The following DDI2 variants were observed in gnomAD, a reference collection of about 807,000 sequenced individuals.
DDI2 encodes DDI proteasomal shuttling factor 2.
DDI2 carries 5 observed loss-of-function variants against 48.1 expected under a neutral mutation model. That is an observed-to-expected ratio of 0.10 (90% CI 0.05 to 0.22). DDI2 has a LOEUF of 0.22. Among genes scored for constraint, DDI2 ranks in the 10% least tolerant of loss-of-function variants. The pLI, the probability that DDI2 is intolerant of heterozygous loss-of-function variation, is 1.00. For missense variants in DDI2, 285 were observed against 506.2 expected (o/e 0.56, Z 4.19); for synonymous variants, 205 against 183.6 (o/e 1.12, Z -0.94).
chr1:15,653,313 C>G (rs1217737997), intron 8 of DDI2, among the ~76,000 whole-genome samples: 1 of 151,540 alleles, frequency 6.6e-6, no homozygotes, highest in African/African-American at 2.4e-5. Context: ...TCTTGCTCTG[C>G]TGCCCATGCT....
chr1:15,643,759 T>TTTTA (rs1171113045), intron 6 of DDI2, 109 bp downstream of exon 6: 3 of 1,464,664 alleles, frequency 2.0e-6, no homozygotes, highest in Non-Finnish European at 2.7e-6. Flanking sequence ...GTTGTTGTTG[T>TTTTA]TTTAAATTTC....
chr1:15,655,455 A>G (rs968348934), intron 8 of DDI2, among the ~76,000 whole-genome samples: 1 of 87,586 alleles, frequency 1.1e-5, no homozygotes, highest in Non-Finnish European at 2.5e-5. Flanking sequence ...ACTTGTTTCT[A>G]AAAAAAAAAA....
At position 15,638,397 on chromosome 1, in the gene DDI2, A is replaced by G; in HGVS notation, c.723A>G (p.Lys241=). 6.2e-7 allele frequency: 1 copy of G among 1,614,028 alleles called. No individual in the cohort carries two copies. The highest frequency in any genetic ancestry group is 8.5e-7 in the Non-Finnish European group (1 of 1,179,968). Residue 241 remains lysine, a synonymous_variant, in exon 5 of 10, where the codon AAA becomes AAG. Transcript: ENST00000480945. ...GQVVMLYINC[K]VNGHPVKAFV... is the part of the protein sequence containing the mutation. ...TAGTGATGCTTTATATTAACTGCAA[A>G]GTGAATGGACATCCTGTGAAAGCCT...
Position 15,663,840 on chromosome 1 carries a change from G to A in DDI2, c.*4050G>A, listed in dbSNP as rs1463335251. The A allele has an allele frequency of 3.3e-5, 5 of 152,138 alleles. No individual in the cohort carries two copies. Among genetic ancestry groups the A allele is most frequent in the African/African-American group, 9.7e-5 (4 of 41,422 alleles). 9.4% of individuals were successfully genotyped at this position (152,138 alleles called of 1,614,324 possible). On this transcript the variant is annotated 3_prime_UTR_variant, in exon 10 of 10. Coordinates refer to ENST00000480945, the MANE Select transcript of DDI2 (RefSeq NM_032341.5). ...TGATGACAATAGACTCCCTCCTAAA[G>A]GGCCTTCCATGTAAGCAGAACGAAC...
intron 1 of DDI2, among the ~76,000 whole-genome samples, chr1:15,619,054 T>C (rs772781368): frequency 6.6e-6 from 1 of 152,232 alleles, no homozygotes; most frequent in Non-Finnish European, 1.5e-5. Flanking sequence ...TGTCAGTGAA[T>C]GCCTCATGTG....
chr1:15,665,551 A>G lies in DDI2; in HGVS notation c.*5761A>G, dbSNP rs547830686. The G allele has an allele frequency of 1.3e-5, 2 of 152,352 alleles. No homozygotes were observed. The highest frequency in any genetic ancestry group is 4.8e-5 in the African/African-American group (2 of 41,578). The allele number at this position is 152,352 out of a possible 1,614,324, so 9.4% of individuals were successfully genotyped here. A position where few individuals can be genotyped will look rare whatever the true frequency, so the allele number is the denominator to read the frequency against. On this transcript the variant is annotated 3_prime_UTR_variant, in exon 10 of 10. Transcript: ENST00000480945. ...CAGCTTTCTATCTCCGGTGAAAGCCATAAAAATTTAGGTTAACTTTTAAGC... is the reference window on the plus strand; with the variant it reads ...CAGCTTTCTATCTCCGGTGAAAGCCGTAAAAATTTAGGTTAACTTTTAAGC...
intron 5 of DDI2, 96 bp downstream of exon 5, chr1:15,638,530 CTT>C (rs775059343): frequency 0.21 from 118,920 of 560,654 alleles, 2,178 homozygotes; most frequent in African/African-American, 0.32. Flanking sequence ...GATGGCTGTA[CTT>C]TTTTTTTTTT....
At chr1:15,633,624 G>T (rs1639881812) in intron 4 of DDI2, 59 bp downstream of exon 4, 3 of 1,594,144 alleles carry the variant, frequency 1.9e-6, no homozygotes, top group Non-Finnish European at 2.6e-6. Context: ...CCAGACTGCA[G>T]GTTATCTGAC....
chr1:15,653,720 C>T (rs1640228824), intron 8 of DDI2, among the ~76,000 whole-genome samples: 1 of 152,024 alleles, frequency 6.6e-6, no homozygotes, highest in Admixed American at 6.5e-5. Flanking sequence ...TGGTCTTGAA[C>T]TCCTGGGCTC....
rs1214941186 is a variant in DDI2, at chr1:15,666,700, CTA to C, written c.*6911_*6912del. 6.6e-6 allele frequency: 1 copy of C among 152,194 alleles called. No individual in the cohort carries two copies. Among genetic ancestry groups the C allele is most frequent in the Non-Finnish European group, 1.5e-5 (1 of 68,030 alleles). 9.4% of individuals were successfully genotyped at this position (152,194 alleles called of 1,614,324 possible). The stretch of plus-strand genomic sequence containing the variant: ...GTGAACTCTGGGGATTCAGGGGTAA[CTA>C]AAACAGATTGGAACCCTGCCCTTGT... On this transcript the variant is annotated 3_prime_UTR_variant, in exon 10 of 10. Coordinates refer to ENST00000480945, the MANE Select transcript of DDI2 (RefSeq NM_032341.5).
intron 8 of DDI2, among the ~76,000 whole-genome samples, chr1:15,654,824 T>G (rs1570990297): frequency 6.6e-6 from 1 of 152,310 alleles, no homozygotes; most frequent in East Asian, 1.9e-4. Context: ...CAAGGTAAGC[T>G]TGAATGAATT....
intron 1 of DDI2, among the ~76,000 whole-genome samples, chr1:15,622,775 G>A (rs1475793932): frequency 1.3e-5 from 2 of 152,170 alleles, no homozygotes; most frequent in East Asian, 3.8e-4. Context: ...CAAAATAATT[G>A]TCTTTCTTGG....
chr1:15,633,729 A>G (rs1035978975), intron 4 of DDI2, 164 bp downstream of exon 4: 57 of 1,035,974 alleles, frequency 5.5e-5, no homozygotes, highest in South Asian at 4.9e-4. Context: ...TTCATTTTCT[A>G]TGCATTTCGA....
chr1:15,620,405 A>G (rs1487137959), intron 1 of DDI2, among the ~76,000 whole-genome samples: 1 of 152,048 alleles, frequency 6.6e-6, no homozygotes, highest in Non-Finnish European at 1.5e-5. Flanking sequence ...CCATAAATAT[A>G]TCATGTTTAC....
At chr1:15,624,973 G>C (rs1639730239) in intron 1 of DDI2, among the ~76,000 whole-genome samples, 1 of 152,050 alleles carries the variant, frequency 6.6e-6, no homozygotes, top group East Asian at 1.9e-4. Context: ...CATAAAACTT[G>C]TATAATTGGG....
chr1:15,633,112 A>G (rs1253704982), intron 3 of DDI2, among the ~76,000 whole-genome samples: 1 of 151,736 alleles, frequency 6.6e-6, no homozygotes, highest in Admixed American at 6.6e-5. Context: ...TATTTTTTGT[A>G]GAGACAAGGT....
intron 8 of DDI2, among the ~76,000 whole-genome samples, chr1:15,654,732 G>GTTGTAAC (rs1170355985): frequency 6.6e-6 from 1 of 151,712 alleles, no homozygotes; most frequent in Non-Finnish European, 1.5e-5. Context: ...TACAGTTTTG[G>GTTGTAAC]TTGTAACTTA....
At position 15,668,004 on chromosome 1, in the gene DDI2, G is replaced by A. The variant is rs1349635857; in HGVS notation, c.*8214G>A. The A allele has an allele frequency of 2.0e-5, 3 of 152,068 alleles. No homozygotes were observed. Among genetic ancestry groups the A allele is most frequent in the East Asian group, 1.9e-4 (1 of 5,194 alleles). 9.4% of individuals were successfully genotyped at this position (152,068 alleles called of 1,614,324 possible). A position where few individuals can be genotyped will look rare whatever the true frequency, so the allele number is the denominator to read the frequency against. On this transcript the variant is annotated 3_prime_UTR_variant, in exon 10 of 10. Coordinates refer to ENST00000480945, the MANE Select transcript of DDI2 (RefSeq NM_032341.5). ...AAGCCAACTATGGAAGATTGGGGTC[G>A]TGGGGGCATGAAATACAAAATTATG...
At chr1:15,622,843 G>T (rs909431622) in intron 1 of DDI2, among the ~76,000 whole-genome samples, 1 of 152,134 alleles carries the variant, frequency 6.6e-6, no homozygotes, top group Non-Finnish European at 1.5e-5. Flanking sequence ...TACAATTTTA[G>T]CTAAGCTTTA....
Sources: gnomAD v4.1 joint callset for allele counts (sites outside exome capture counted in the v4.1 genomes callset) on GRCh38, gnomAD v4.1.1 for gene constraint, MANE v1.5 for transcripts, NCBI Gene and HGNC (gene_info 2026-07-23, HGNC 2026-07-21) for gene names.